Variants in NCOA1 observed in about 807,000 individuals in gnomAD.
NCOA1 encodes Hin-2 protein.
NCOA1 carries 35 observed loss-of-function variants against 150.9 expected under a neutral mutation model. The ratio of observed to expected loss-of-function variants is 0.23; its 90% CI spans 0.18 to 0.31. NCOA1 has a LOEUF of 0.31. Ranked by LOEUF, NCOA1 falls within the 10% of genes least tolerant of loss-of-function variation. The probability of loss-of-function intolerance (pLI) is 1.00; values close to 1 mark genes in which losing one functional copy is unlikely to be tolerated. For missense variants in NCOA1, 1,491 were observed against 1,749.3 expected, an observed-to-expected ratio of 0.85 and a Z score of 2.63; for synonymous variants, 590 against 630.0, an observed-to-expected ratio of 0.94 and a Z score of 0.95.
intron 1 of NCOA1, chr2:24,554,633 A>T (rs1665995364): frequency 6.6e-6 from 1 of 152,374 alleles, no homozygotes; most frequent in African/African-American, 2.4e-5. Context: ...ATCCTGCTCC[A>T]GAACCTCTTC....
At chr2:24,544,276 T>C (rs1665518112) in intron 1 of NCOA1, among the ~76,000 whole-genome samples, 1 of 152,022 alleles carries the variant, frequency 6.6e-6, no homozygotes, top group African/African-American at 2.4e-5. Flanking sequence ...ATCCAACTGG[T>C]AGTTGGATAA....
intron 7 of NCOA1, among the ~76,000 whole-genome samples, chr2:24,678,010 T>C (rs1671997414): frequency 6.6e-6 from 1 of 152,066 alleles, no homozygotes; most frequent in Admixed American, 6.6e-5. Context: ...ATCCATTAGC[T>C]ATTCTTCCTC....
At chr2:24,578,260 G>A (rs922777561) in intron 2 of NCOA1, among the ~76,000 whole-genome samples, 11 of 152,268 alleles carry the variant, frequency 7.2e-5, no homozygotes, top group Admixed American at 5.9e-4. Context: ...TCAGATGGCA[G>A]TTAGGAAAGT....
In NCOA1 at chr2:24,752,083, C is replaced by G; in HGVS notation, c.3808C>G (p.Gln1270Glu). The G allele has an allele frequency of 1.2e-6, 2 of 1,614,182 alleles. No homozygotes were observed. The highest frequency in any genetic ancestry group is 1.7e-6 in the Non-Finnish European group (2 of 1,180,036). ...TCCTCCTCAGAGTTCTCTTCTCCAG[C>G]AAACTCCACCTGCCTCCGGGTATCA... is the stretch of plus-strand genomic sequence containing the variant. ...IPPPQSSLLQ[Q>E]TPPASGYQSP... The change falls in exon 20 of 23, where the codon CAA becomes GAA. Residue 1270 changes from glutamine to glutamate, a missense_variant. Transcript: ENST00000348332.
Position 24,673,455 on chromosome 2 carries a change from CT to C in NCOA1, c.350del (p.Leu117TrpfsTer11). The part of the protein sequence containing the change: ...VIEKESLGPL[L>X]LEALDGFFFV... ...AGAAAAGGAATCCTTGGGACCTCTTCTTTTGGAGGTAGGTGTCTTCATTGAC... is the reference window on the plus strand; with the variant it reads ...AGAAAAGGAATCCTTGGGACCTCTTCTTTGGAGGTAGGTGTCTTCATTGAC... On this transcript the variant is annotated frameshift_variant, in exon 7 of 23. Transcript: ENST00000348332. LOFTEE classifies it high-confidence loss of function. 1.3e-6 allele frequency: 2 copies of C among 1,581,566 alleles called. No homozygotes were observed. The highest frequency in any genetic ancestry group is 2.3e-5 in the East Asian group (1 of 43,380).
At chr2:24,693,479 A>G (rs2148564268) in intron 10 of NCOA1, 132 bp downstream of exon 10, 1 of 721,142 alleles carries the variant, frequency 1.4e-6, no homozygotes. Context: ...TACAGAAAAC[A>G]TTTTAAATGG....
chr2:24,712,172 C>T (rs1480582894), intron 14 of NCOA1, among the ~76,000 whole-genome samples: 1 of 152,176 alleles, frequency 6.6e-6, no homozygotes, highest in Non-Finnish European at 1.5e-5. Context: ...CAAGGAAGTA[C>T]ATTTTTTGAA....
intron 6 of NCOA1, among the ~76,000 whole-genome samples, chr2:24,672,431 G>GAAA (rs1671729441): frequency 6.6e-6 from 1 of 152,048 alleles, no homozygotes; most frequent in Non-Finnish European, 1.5e-5. Flanking sequence ...GTCTCATCCT[G>GAAA]ACACCCAGGC....
chr2:24,711,546 G>A (rs1470493714), intron 14 of NCOA1: 1 of 152,484 alleles, frequency 6.6e-6, no homozygotes, highest in Non-Finnish European at 1.5e-5. Flanking sequence ...ATGCCTATTA[G>A]CAGTTTTGAG....
intron 6 of NCOA1, among the ~76,000 whole-genome samples, chr2:24,671,254 A>G (rs1671669616): frequency 6.6e-6 from 1 of 151,512 alleles, no homozygotes; most frequent in African/African-American, 2.4e-5. Context: ...ATTGAGTGGA[A>G]AAAGTAAGTT....
chr2:24,702,401 A>T (rs570413906), intron 11 of NCOA1, among the ~76,000 whole-genome samples: 14 of 152,290 alleles, frequency 9.2e-5, no homozygotes, highest in Non-Finnish European at 1.9e-4. Context: ...GCATTGACCC[A>T]TAGTACCCTG....
rs1665251809 is a variant in NCOA1 at position 24,770,137 on chromosome 2, C to T, written c.*1746C>T. ...GAAACAGAAATAGGACACTCAGTTA[C>T]AAACATTATCTCCTTTAGTTTTTCA... is the stretch of plus-strand genomic sequence containing the variant. On this transcript the variant is annotated 3_prime_UTR_variant, in exon 23 of 23. Coordinates refer to ENST00000348332, the MANE Select transcript of NCOA1 (RefSeq NM_003743.5). 1 of 231,324 alleles carries T rather than the reference C, an allele frequency of 4.3e-6. No individual in the cohort carries two copies. Among genetic ancestry groups the T allele is most frequent in the Non-Finnish European group, 8.6e-6 (1 of 116,652 alleles). The allele number at this position is 231,324 out of a possible 1,614,324, so 14.3% of individuals were successfully genotyped here.
intron 3 of NCOA1, among the ~76,000 whole-genome samples, chr2:24,628,560 A>T (rs1669536486): frequency 6.6e-6 from 1 of 152,212 alleles, no homozygotes. Flanking sequence ...AGTGAGAGAG[A>T]TACACAATAA....
intron 20 of NCOA1, among the ~76,000 whole-genome samples, chr2:24,756,254 T>C (rs944391184): frequency 1.3e-5 from 2 of 152,098 alleles, no homozygotes; most frequent in African/African-American, 4.8e-5. Context: ...AACTCCCATC[T>C]CCAAAAACAA....
At chr2:24,516,957 TATATATAC>T (rs1436757764) in intron 1 of NCOA1, among the ~76,000 whole-genome samples, 19 of 18,630 alleles carry the variant, frequency 1.0e-3, no homozygotes, top group Admixed American at 2.6e-3. Flanking sequence ...TATATACAAG[TATATATAC>T]GTATATATAC....
intron 17 of NCOA1, among the ~76,000 whole-genome samples, chr2:24,734,881 C>T (rs112754532): frequency 2.6e-5 from 4 of 152,134 alleles, no homozygotes; most frequent in South Asian, 2.1e-4. Flanking sequence ...ACATAATAGA[C>T]GGTTCTGCAT....
Position 24,643,024 on chromosome 2 carries a change from A to C in NCOA1, c.-174-942A>C, listed in dbSNP as rs964297300. On this transcript the variant is annotated intron_variant, in intron 3 of 22. Coordinates refer to ENST00000348332, the MANE Select transcript of NCOA1 (RefSeq NM_003743.5). Reference sequence around the variant, plus strand: ...AACAATTCAGCTGTGGTGATGAAGCAGTGAATCTCAATTGTGGTGTAGTTA... The same window carrying C: ...AACAATTCAGCTGTGGTGATGAAGCCGTGAATCTCAATTGTGGTGTAGTTA... 2.0e-5 allele frequency among the ~76,000 whole-genome samples: 3 copies of C among 152,340 alleles called. No individual in the cohort carries two copies. In the East Asian group the frequency reaches 5.8e-4, roughly 29 times the overall value.
chr2:24,600,094 A>G (rs1668049256), intron 3 of NCOA1, among the ~76,000 whole-genome samples: 2 of 152,182 alleles, frequency 1.3e-5, no homozygotes, highest in African/African-American at 4.8e-5. Context: ...TCACTTTTAT[A>G]AAATCCTTTT....
At position 24,548,246 on chromosome 2, in the gene NCOA1, G is replaced by A. The variant is rs572824517; in HGVS notation, c.-395-16049G>A. Among the ~76,000 whole-genome samples, 103 of 152,228 alleles carry A rather than the reference G, an allele frequency of 6.8e-4. No homozygotes were observed. The South Asian group carries it at 0.02, about 29-fold the overall frequency. On this transcript the variant is annotated intron_variant, in intron 1 of 22. Coordinates refer to ENST00000348332, the MANE Select transcript of NCOA1 (RefSeq NM_003743.5). ...GAGCAAGTCACGTCTTACATGGATG[G>A]CAGAAGGCAAAGAAAGAGGGCATGT... is the stretch of plus-strand genomic sequence containing the variant.
Sources: allele counts gnomAD v4.1 joint callset (sites outside exome capture counted in the v4.1 genomes callset), GRCh38; gene constraint gnomAD v4.1.1; transcripts MANE v1.5; gene names NCBI Gene and HGNC (gene_info 2026-07-23, HGNC 2026-07-21).